The following INVS variants were observed in gnomAD, a reference collection of about 807,000 sequenced individuals.
INVS encodes the protein inversion of embryo turning homolog.
A neutral mutation model predicts 108.8 loss-of-function variants in INVS; 86 were observed. That is an observed-to-expected ratio of 0.79 (90% confidence interval 0.66 to 0.95). The LOEUF (loss-of-function observed/expected upper bound fraction) is 0.95, where lower values mean the gene tolerates loss of function less well. INVS is among the 40% of genes least tolerant of loss of function. INVS has a pLI of 0.00. For synonymous variants in INVS, 455 were observed against 473.5 expected (o/e 0.96, Z 0.51); for missense variants, 1,169 against 1,297.4 (o/e 0.90, Z 1.52).
At chr9:100,289,078 A>G (rs1370686831) in intron 13 of INVS, among the ~76,000 whole-genome samples, 1 of 152,044 alleles carries the variant, frequency 6.6e-6, no homozygotes, top group Admixed American at 6.6e-5. Flanking sequence ...TTTTTCCTTC[A>G]TTTTATTTGT....
At chr9:100,147,444 C>A in intron 3 of INVS, among the ~76,000 whole-genome samples, 1 of 152,136 alleles carries the variant, frequency 6.6e-6, no homozygotes, top group East Asian at 1.9e-4. Flanking sequence ...AAAAGTCATG[C>A]AGATTAAAAC....
rs1440535067 is a variant in INVS at position 100,264,821 on chromosome 9, G to A, written c.1465-1G>A. ...TACTTGATTTTTGTTTATGCTTATA[G>A]GGAAGAACAGCTTTGCATTGGTCCT... On this transcript the variant is annotated splice_acceptor_variant, in intron 10 of 16. Coordinates refer to ENST00000262457, the MANE Select transcript of INVS (RefSeq NM_014425.5). LOFTEE classifies it high-confidence loss of function. 5.0e-6 allele frequency: 8 copies of A among 1,607,492 alleles called. No homozygotes were observed. Among genetic ancestry groups the A allele is most frequent in the Non-Finnish European group, 6.8e-6 (8 of 1,174,074 alleles).
At chr9:100,263,891 A>C (rs1391865120) in intron 10 of INVS, among the ~76,000 whole-genome samples, 1 of 152,124 alleles carries the variant, frequency 6.6e-6, no homozygotes, top group Non-Finnish European at 1.5e-5. Context: ...TCTGTTGTTT[A>C]GGTCTTATAT....
In INVS at chr9:100,103,270, C is replaced by G. The variant is rs1331553353; in HGVS notation, c.-24-1228C>G. Among the ~76,000 whole-genome samples the G allele has an allele frequency of 2.6e-5, 4 of 152,204 alleles. No homozygotes were observed. The East Asian group carries it at 7.7e-4, about 29-fold the overall frequency. ...TGTTTCTCAGGTTCAAGTGAAACTT[C>G]CACCTCAGCCTCCCGAGTAGCTAGG... On this transcript the variant is annotated intron_variant, in intron 1 of 16. Transcript: ENST00000262457.
chr9:100,182,127 A>G (rs902753685), intron 3 of INVS, among the ~76,000 whole-genome samples: 1 of 152,236 alleles, frequency 6.6e-6, no homozygotes, highest in African/African-American at 2.4e-5. Context: ...AGATGGATTA[A>G]AGACTTAAAC....
chr9:100,122,783 A>G (rs1827767840), intron 2 of INVS, among the ~76,000 whole-genome samples: 1 of 151,556 alleles, frequency 6.6e-6, no homozygotes, highest in African/African-American at 2.4e-5. Flanking sequence ...AGGGGGTTTC[A>G]CCATGTTAGC....
At chr9:100,101,286 T>G (rs1415621449) in intron 1 of INVS, 2 of 151,566 alleles carry the variant, frequency 1.3e-5, no homozygotes, top group African/African-American at 2.4e-5. Flanking sequence ...CCTTATTATT[T>G]TTTGCATTTT....
intron 3 of INVS, among the ~76,000 whole-genome samples, chr9:100,198,516 C>G (rs1830450013): frequency 6.6e-6 from 1 of 151,156 alleles, no homozygotes; most frequent in African/African-American, 2.4e-5. Flanking sequence ...GTCTCGAACT[C>G]CTGACTTCAG....
At chr9:100,239,061 A>C (rs1022329177) in intron 5 of INVS, among the ~76,000 whole-genome samples, 7 of 152,370 alleles carry the variant, frequency 4.6e-5, no homozygotes, top group African/African-American at 1.4e-4. Context: ...GTTAATTGGT[A>C]AGACCATTTG....
intron 10 of INVS, among the ~76,000 whole-genome samples, 185 bp from the exon 11 acceptor site, chr9:100,264,637 G>T (rs949227864): frequency 1.3e-5 from 2 of 149,236 alleles, no homozygotes; most frequent in Admixed American, 6.7e-5. Context: ...AAAAAAAATA[G>T]TGTTAATTAT....
intron 3 of INVS, chr9:100,175,537 A>G (rs1206688998): frequency 1.6e-5 from 12 of 740,028 alleles, no homozygotes; most frequent in Non-Finnish European, 3.0e-5. Flanking sequence ...AGCATCCTGA[A>G]TCTTAGCTAC....
At position 100,300,694 on chromosome 9, in the gene INVS, G is replaced by A. The variant is rs376089582; in HGVS notation, c.*20G>A. The A allele has an allele frequency of 1.6e-4, 241 of 1,525,136 alleles. No individual in the cohort carries two copies. The highest frequency in any genetic ancestry group is 3.5e-4 in the Admixed American group (21 of 59,866). 94.5% of individuals were successfully genotyped at this position (1,525,136 alleles called of 1,614,324 possible). A position where few individuals can be genotyped will look rare whatever the true frequency, so the allele number is the denominator to read the frequency against. ...CCTTGACTGCCTATGGAGGAAGACT[G>A]TGTTCGGGGGAGCTGGCATAGCTAG... is the stretch of plus-strand genomic sequence containing the variant. On this transcript the variant is annotated 3_prime_UTR_variant, in exon 17 of 17. Coordinates refer to ENST00000262457, the MANE Select transcript of INVS (RefSeq NM_014425.5).
rs1829075711 is a variant in INVS, at chr9:100,158,669, G to A, written c.273+32120G>A. Among the ~76,000 whole-genome samples the A allele has an allele frequency of 2.0e-5, 3 of 152,152 alleles. No individual in the cohort carries two copies. In the South Asian group the frequency reaches 6.2e-4, roughly 32 times the overall value. ...CATGCTCTGGACTAAATACTTTGGG[G>A]AATACAAAGGTGAGCAAAGTTAACT... On this transcript the variant is annotated intron_variant, in intron 3 of 16. Transcript: ENST00000262457.
chr9:100,293,011 G>A lies in INVS; in HGVS notation c.2754G>A (p.Lys918=), dbSNP rs1833675895. ...AGGAGCTGTTTCGCAAAAAGAACAA[G>A]GCAGCAGCAGTCATCCAGCGCGCCT... The part of the protein sequence containing the change: ...RRKELFRKKN[K]AAAVIQRAWR... Residue 918 remains lysine (K), a synonymous_variant, in exon 14 of 17, where the codon AAG becomes AAA. Coordinates refer to ENST00000262457, the MANE Select transcript of INVS (RefSeq NM_014425.5). 6.2e-7 allele frequency: 1 copy of A among 1,614,086 alleles called. No individual in the cohort carries two copies. Among genetic ancestry groups the A allele is most frequent in the Non-Finnish European group, 8.5e-7 (1 of 1,180,008 alleles).
chr9:100,255,487 G>C lies in INVS; in HGVS notation c.1464+2351G>C, dbSNP rs567862483. On this transcript the variant is annotated intron_variant, in intron 10 of 16. Transcript: ENST00000262457. ...TGGTGAGAGAGGGCATCCCTGTCTT[G>C]TGCCAGTTTTCAAAGGGAATGCTTC... is the stretch of plus-strand genomic sequence containing the variant. Among the ~76,000 whole-genome samples the C allele has an allele frequency of 2.0e-5, 3 of 152,264 alleles. No homozygotes were observed. The South Asian group carries it at 6.2e-4, about 32-fold the overall frequency.
intron 3 of INVS, among the ~76,000 whole-genome samples, chr9:100,198,264 A>ATTTTTTTTTT (rs66710233): frequency 7.7e-5 from 5 of 65,286 alleles, no homozygotes; most frequent in African/African-American, 1.2e-4. Context: ...GAGGGCTAGA[A>ATTTTTTTTTT]TTTTTTTTTT....
At chr9:100,130,549 G>A (rs143484309) in intron 3 of INVS, 24 of 152,154 alleles carry the variant, frequency 1.6e-4, no homozygotes, top group African/African-American at 5.1e-4. Context: ...AATGAATTAC[G>A]TATGTTAGCT....
At chr9:100,174,331 G>T (rs1203365104) in intron 3 of INVS, among the ~76,000 whole-genome samples, 1 of 151,806 alleles carries the variant, frequency 6.6e-6, no homozygotes, top group Non-Finnish European at 1.5e-5. Flanking sequence ...TTCACTAGAA[G>T]GGCTTATCAG....
intron 3 of INVS, among the ~76,000 whole-genome samples, chr9:100,182,278 A>G (rs1387157286): frequency 6.6e-6 from 1 of 152,200 alleles, no homozygotes; most frequent in African/African-American, 2.4e-5. Flanking sequence ...ATCTAATTAA[A>G]CTAAAGAGCT....
Sources: allele counts gnomAD v4.1 joint callset (sites outside exome capture counted in the v4.1 genomes callset), GRCh38; gene constraint gnomAD v4.1.1; transcripts MANE v1.5; gene names NCBI Gene and HGNC (gene_info 2026-07-23, HGNC 2026-07-21).